Variants in RPS6KC1 observed in about 807,000 individuals in gnomAD.
RPS6KC1 encodes inactive ribosomal protein S6 kinase delta-1.
A neutral mutation model predicts 103.8 loss-of-function variants in RPS6KC1; 54 were observed. That is an observed-to-expected ratio of 0.52 (90% CI 0.42 to 0.65). The LOEUF (loss-of-function observed/expected upper bound fraction) is 0.65. Ranked by LOEUF, RPS6KC1 falls within the 30% of genes least tolerant of loss-of-function variation. RPS6KC1 has a pLI of 0.00. For synonymous variants in RPS6KC1, 439 were observed against 438.7 expected, an observed-to-expected ratio of 1.00 and a Z score of -0.01; for missense variants, 1,151 against 1,253.8, an observed-to-expected ratio of 0.92 and a Z score of 1.24.
the RPS6KC1 span, among the ~76,000 whole-genome samples, chr1:213,431,360 A>G: frequency 1.3e-5 from 2 of 151,558 alleles, no homozygotes; most frequent in African/African-American, 4.8e-5. Context: ...GTTATATGAG[A>G]TTTTTTTTTC....
chr1:213,602,007 T>TTTC, the RPS6KC1 span, among the ~76,000 whole-genome samples: 135 of 50,018 alleles, frequency 2.7e-3, 19 homozygotes, highest in African/African-American at 6.5e-3. Context: ...TTTTCTTTTC[T>TTTC]TTTCTTTTCT....
At chr1:213,757,540 G>A in the RPS6KC1 span, among the ~76,000 whole-genome samples, 1 of 152,226 alleles carries the variant, frequency 6.6e-6, no homozygotes, top group African/African-American at 2.4e-5. Context: ...GCGAGTAGAG[G>A]TTGGTTCATG....
At chr1:213,450,845 C>T in the RPS6KC1 span, among the ~76,000 whole-genome samples, 9 of 152,054 alleles carry the variant, frequency 5.9e-5, no homozygotes, top group East Asian at 5.8e-4. Context: ...CATGCTGGTG[C>T]GTGCCTGTAA....
the RPS6KC1 span, among the ~76,000 whole-genome samples, chr1:213,416,594 A>G: frequency 2.0e-5 from 3 of 152,194 alleles, no homozygotes; most frequent in African/African-American, 4.8e-5. Flanking sequence ...TCCCAAGGAA[A>G]TGCTTCCAGT....
At chr1:213,151,638 T>C (rs376749186) in intron 6 of RPS6KC1, among the ~76,000 whole-genome samples, 32,663 of 54,022 alleles carry the variant, frequency 0.6, 9,844 homozygotes, top group African/African-American at 0.75. Flanking sequence ...GGCGGCTGGC[T>C]GGGCAGAGGG....
chr1:213,317,738 C>A, the RPS6KC1 span, among the ~76,000 whole-genome samples: 1 of 152,100 alleles, frequency 6.6e-6, no homozygotes, highest in Non-Finnish European at 1.5e-5. Flanking sequence ...TAGGAGAAAC[C>A]CAGCAGTCAC....
chr1:213,072,827 A>G, intron 2 of RPS6KC1: 1 of 340,190 alleles, frequency 2.9e-6, no homozygotes, highest in Non-Finnish European at 4.2e-6. Flanking sequence ...GCATTGTCTG[A>G]TTGCTGTGCT....
the RPS6KC1 span, among the ~76,000 whole-genome samples, chr1:213,287,770 A>AGGGC: frequency 1.3e-5 from 2 of 152,094 alleles, no homozygotes; most frequent in Admixed American, 6.5e-5. Context: ...AATGTTTAAG[A>AGGGC]GGGCTGGCTG....
At chr1:213,487,175 G>T in the RPS6KC1 span, among the ~76,000 whole-genome samples, 1 of 152,142 alleles carries the variant, frequency 6.6e-6, no homozygotes, top group Non-Finnish European at 1.5e-5. Flanking sequence ...GGCCAAGGCG[G>T]GTAGATCACT....
At chr1:213,644,229 T>C in the RPS6KC1 span, among the ~76,000 whole-genome samples, 158 of 152,138 alleles carry the variant, frequency 1.0e-3, no homozygotes, top group Middle Eastern at 3.4e-3. Flanking sequence ...TTAGAGCAGT[T>C]TTATACTCAC....
chr1:213,137,799 A>ATAT (rs1572765998), intron 6 of RPS6KC1, among the ~76,000 whole-genome samples: 2 of 13,998 alleles, frequency 1.4e-4, no homozygotes, highest in African/African-American at 3.7e-4. Context: ...ATATATATAT[A>ATAT]TTTTTTTTTT....
chr1:213,338,950 C>T, the RPS6KC1 span, among the ~76,000 whole-genome samples: 1 of 152,132 alleles, frequency 6.6e-6, no homozygotes, highest in East Asian at 1.9e-4. Context: ...CTGAACAGAG[C>T]AAGGCTAGCT....
At chr1:213,451,991 G>A in the RPS6KC1 span, among the ~76,000 whole-genome samples, 1 of 152,184 alleles carries the variant, frequency 6.6e-6, no homozygotes, top group Non-Finnish European at 1.5e-5. Flanking sequence ...TGGGGCTGAC[G>A]GTGTGATAGC....
chr1:213,657,695 T>C, the RPS6KC1 span, among the ~76,000 whole-genome samples: 1 of 152,148 alleles, frequency 6.6e-6, no homozygotes, highest in Non-Finnish European at 1.5e-5. Context: ...AAATAAGAAT[T>C]TGAAAAACCA....
At chr1:213,724,508 C>T in the RPS6KC1 span, among the ~76,000 whole-genome samples, 2 of 152,216 alleles carry the variant, frequency 1.3e-5, no homozygotes, top group African/African-American at 4.8e-5. Flanking sequence ...AAGACCGTGG[C>T]TGGCTGGCAG....
chr1:213,074,402 A>G (rs1275570108), intron 2 of RPS6KC1, among the ~76,000 whole-genome samples: 3 of 152,276 alleles, frequency 2.0e-5, no homozygotes, highest in African/African-American at 7.2e-5. Context: ...TATTTTTTCA[A>G]TGGGAAAGTA....
chr1:213,644,969 A>G, the RPS6KC1 span, among the ~76,000 whole-genome samples: 1 of 152,188 alleles, frequency 6.6e-6, no homozygotes, highest in Non-Finnish European at 1.5e-5. Context: ...AAAATTAGAC[A>G]TTTTGCAGAA....
chr1:213,692,736 A>T, the RPS6KC1 span, among the ~76,000 whole-genome samples: 1 of 152,338 alleles, frequency 6.6e-6, no homozygotes, highest in East Asian at 1.9e-4. Context: ...CTTAATGCAC[A>T]TGCTTGAGCC....
chr1:213,807,427 T>C, the RPS6KC1 span, among the ~76,000 whole-genome samples: 1 of 152,236 alleles, frequency 6.6e-6, no homozygotes, highest in African/African-American at 2.4e-5. Flanking sequence ...CAATCAGACG[T>C]AGATTTGGTC....
Sources: allele counts gnomAD v4.1 joint callset (sites outside exome capture counted in the v4.1 genomes callset), GRCh38; gene constraint gnomAD v4.1.1; transcripts MANE v1.5; gene names NCBI Gene and HGNC (gene_info 2026-07-23, HGNC 2026-07-21).